The following MRPS6 variants were observed in gnomAD, a reference collection of about 807,000 sequenced individuals.
MRPS6 encodes mitochondrial ribosomal protein S6.
A neutral mutation model predicts 13.1 loss-of-function variants in MRPS6; 6 were observed. The ratio of observed to expected loss-of-function variants is 0.46; its 90% CI spans 0.25 to 0.91. The LOEUF (loss-of-function observed/expected upper bound fraction) is 0.91. Among genes scored for constraint, MRPS6 ranks in the 40% least tolerant of loss-of-function variants. The probability of loss-of-function intolerance (pLI) is 0.18; values close to 1 mark genes in which losing one functional copy is unlikely to be tolerated. For synonymous variants in MRPS6, 61 were observed against 56.5 expected, an observed-to-expected ratio of 1.08 and a Z score of -0.36; for missense variants, 164 against 155.6, an observed-to-expected ratio of 1.05 and a Z score of -0.29.
At chr21:34,101,814 C>CT in intron 1 of MRPS6, 2 of 998,490 alleles carry the variant, frequency 2.0e-6, no homozygotes, top group Non-Finnish European at 2.4e-6. Context: ...TTTTCTCACA[C>CT]TTTGTGTTGG....
intron 1 of MRPS6, chr21:34,102,741 G>T (rs1046065777): frequency 1.0e-6 from 1 of 1,000,024 alleles, no homozygotes; most frequent in Admixed American, 6.2e-5. Flanking sequence ...CAGATTTTTC[G>T]TAGTGTGGGA....
intron 1 of MRPS6, among the ~76,000 whole-genome samples, chr21:34,091,267 GC>G (rs34229412): frequency 1 from 152,301 of 152,308 alleles, 76,147 homozygotes; most frequent in Middle Eastern, 1. Flanking sequence ...TGCAGGCCCC[GC>G]CCTGTGTCAT....
At chr21:34,122,722 T>C (rs1055152459) in intron 1 of MRPS6, 1 of 152,142 alleles carries the variant, frequency 6.6e-6, no homozygotes, top group Non-Finnish European at 1.5e-5. Flanking sequence ...TTTTCCTTTT[T>C]TTTTTTGAGT....
At chr21:34,126,852 C>T (rs1429758687) in intron 2 of MRPS6, among the ~76,000 whole-genome samples, 3 of 152,166 alleles carry the variant, frequency 2.0e-5, no homozygotes, top group African/African-American at 7.2e-5. Context: ...AGGATCTGCA[C>T]TAACACGTAG....
At chr21:34,132,032 A>G (rs904406384) in intron 2 of MRPS6, among the ~76,000 whole-genome samples, 1 of 152,246 alleles carries the variant, frequency 6.6e-6, no homozygotes, top group Non-Finnish European at 1.5e-5. Context: ...GCAACCAGGA[A>G]TTGGTGAAGG....
At chr21:34,094,967 G>T in intron 1 of MRPS6, 1 of 512,504 alleles carries the variant, frequency 2.0e-6, no homozygotes, top group South Asian at 3.1e-5. Flanking sequence ...AAGAGTACGA[G>T]CTAAGTTCTC....
chr21:34,112,220 C>T (rs1979729593), intron 1 of MRPS6, among the ~76,000 whole-genome samples: 1 of 152,134 alleles, frequency 6.6e-6, no homozygotes, highest in Non-Finnish European at 1.5e-5. Context: ...TTTGACTAGT[C>T]ATCAAACATT....
chr21:34,135,753 GA>G, intron 2 of MRPS6: 1 of 464,824 alleles, frequency 2.2e-6, no homozygotes, highest in Non-Finnish European at 4.3e-6. Context: ...GCAGGTGGAT[GA>G]AATGGAAGGC....
intron 2 of MRPS6, among the ~76,000 whole-genome samples, chr21:34,137,039 C>T (rs1293569593): frequency 6.6e-6 from 1 of 152,118 alleles, no homozygotes; most frequent in Non-Finnish European, 1.5e-5. Flanking sequence ...CTCTGTGTAT[C>T]TGTACATGAA....
intron 2 of MRPS6, among the ~76,000 whole-genome samples, chr21:34,141,541 A>G (rs1005889391): frequency 6.6e-6 from 1 of 152,224 alleles, no homozygotes; most frequent in African/African-American, 2.4e-5. Context: ...TGAGAACCAC[A>G]TGTATGCCTA....
At chr21:34,135,577 C>A in intron 2 of MRPS6, 1 of 438,800 alleles carries the variant, frequency 2.3e-6, no homozygotes, top group Non-Finnish European at 4.5e-6. Flanking sequence ...CTCAAGAGTG[C>A]CTGTGCACAG....
chr21:34,105,830 G>A (rs1198067963), intron 1 of MRPS6: 1 of 995,512 alleles, frequency 1.0e-6, no homozygotes, highest in East Asian at 1.1e-4. Flanking sequence ...TTGGTATAAA[G>A]CAGGTTATTT....
intron 2 of MRPS6, among the ~76,000 whole-genome samples, chr21:34,132,041 G>A (rs1980521788): frequency 1.3e-5 from 2 of 152,194 alleles, no homozygotes; most frequent in African/African-American, 4.8e-5. Flanking sequence ...AATTGGTGAA[G>A]GTCATTCCTG....
In MRPS6 at chr21:34,125,419, C is replaced by A. The variant is rs1386227677; in HGVS notation, c.124C>A (p.Leu42Met). ...AGCAATAGTGAGGGACTTGGAAAAC[C>A]TGGGTGAACGAGCGCTTCCTTATAG... is the stretch of plus-strand genomic sequence containing the variant. The part of the protein sequence containing the change: ...RGAIVRDLEN[L>M]GERALPYRIS... The change falls in exon 2 of 3, where the codon CTG becomes ATG. Residue 42 changes from leucine (L) to methionine (M), a missense_variant. Transcript: ENST00000399312. 4.7e-5 allele frequency: 76 copies of A among 1,613,968 alleles called. No individual in the cohort carries two copies. Among genetic ancestry groups the A allele is most frequent in the Non-Finnish European group, 6.1e-5 (72 of 1,179,968 alleles).
At chr21:34,140,518 A>G (rs80021728) in intron 2 of MRPS6, among the ~76,000 whole-genome samples, 4,955 of 152,324 alleles carry the variant, frequency 0.033, 228 homozygotes, top group African/African-American at 0.096. Flanking sequence ...ACACTTAGGA[A>G]GAATGTCTGT....
In MRPS6 at chr21:34,126,366, G is replaced by A. The variant is rs923263328; in HGVS notation, c.185+886G>A. On this transcript the variant is annotated intron_variant, in intron 2 of 2. Transcript: ENST00000399312. ...GTGCAGGTACAGTACGTGTGATAGGGCCTGAGTGGAGTCGCGTCTCACATC... is the reference window on the plus strand; with the variant it reads ...GTGCAGGTACAGTACGTGTGATAGGACCTGAGTGGAGTCGCGTCTCACATC... 4.6e-5 allele frequency among the ~76,000 whole-genome samples: 7 copies of A among 152,348 alleles called. No homozygotes were observed. The East Asian group carries it at 9.6e-4, about 21-fold the overall frequency.
chr21:34,097,123 AAGAGAG>A (rs752605568), intron 1 of MRPS6: 7 of 1,614,034 alleles, frequency 4.3e-6, no homozygotes, highest in Non-Finnish European at 5.9e-6. Flanking sequence ...ATGGGTGAGA[AAGAGAG>A]AAAGAAAGAA....
rs551657749 is a variant in MRPS6 at position 34,099,207 on chromosome 21, T to A, written c.45+25462T>A. 3.1e-3 allele frequency: 3,053 copies of A among 1,000,044 alleles called. 8 individuals carry two copies. Among genetic ancestry groups the A allele is most frequent in the Non-Finnish European group, 3.5e-3 (2,926 of 829,966 alleles). 61.9% of individuals were successfully genotyped at this position (1,000,044 alleles called of 1,614,324 possible). ...GCCTTGTAGAATTTTTTTCTCAATT[T>A]TATTCTTGAGGTTTATAATTTGGGG... On this transcript the variant is annotated intron_variant, in intron 1 of 2. Coordinates refer to ENST00000399312, the MANE Select transcript of MRPS6 (RefSeq NM_032476.4).
intron 1 of MRPS6, among the ~76,000 whole-genome samples, chr21:34,118,557 C>CTTTTTTTT (rs373895797): frequency 1.2e-4 from 16 of 133,156 alleles, no homozygotes; most frequent in South Asian, 2.4e-4. Flanking sequence ...TTCTTTCTTT[C>CTTTTTTTT]TTTTTTTTTT....
Sources: gnomAD v4.1 joint callset for allele counts (sites outside exome capture counted in the v4.1 genomes callset) on GRCh38, gnomAD v4.1.1 for gene constraint, MANE v1.5 for transcripts, NCBI Gene and HGNC (gene_info 2026-07-23, HGNC 2026-07-21) for gene names.